Variants in DPP6 observed in about 807,000 individuals in gnomAD.
DPP6 encodes the protein dipeptidyl peptidase like 6, also known as A-type potassium channel modulatory protein DPP6.
Under a neutral mutation model 122.6 loss-of-function variants are expected in DPP6, and 69 were observed. The observed-to-expected ratio is 0.56, with a 90% CI of 0.46 to 0.69. The LOEUF (loss-of-function observed/expected upper bound fraction) is 0.69. Ranked by LOEUF, DPP6 falls within the 30% of genes least tolerant of loss-of-function variation. DPP6 has a pLI of 0.00. For synonymous variants in DPP6, 418 were observed against 433.1 expected (o/e 0.97, Z 0.43); for missense variants, 928 against 1,116.9 (o/e 0.83, Z 2.41).
At chr7:154,663,302 G>A (rs1402949841) in intron 6 of DPP6, among the ~76,000 whole-genome samples, 3 of 50,980 alleles carry the variant, frequency 5.9e-5, no homozygotes, top group Middle Eastern at 0.014. Flanking sequence ...ATGGCGTATT[G>A]GCCATAGTGT....
chr7:154,090,632 C>CTT (rs1311516741), intron 1 of DPP6, among the ~76,000 whole-genome samples: 1 of 151,978 alleles, frequency 6.6e-6, no homozygotes, highest in African/African-American at 2.4e-5. Context: ...AGAGGCTGGA[C>CTT]TTGCTGCTTC....
At position 153,918,305 on chromosome 7, in the gene DPP6, T is replaced by G. The variant is rs531817674; in HGVS notation, c.51+30571T>G. On this transcript the variant is annotated intron_variant, in intron 1 of 25. Coordinates refer to the DPP6 transcript ENST00000404039. ...AGATTTCTTATTCATTCCTTATTAT[T>G]AGCTGCAGAAATCATGTGTTTATAG... 5.9e-5 allele frequency among the ~76,000 whole-genome samples: 9 copies of G among 152,306 alleles called. No homozygotes were observed. The East Asian group carries it at 1.2e-3, about 20-fold the overall frequency.
At chr7:154,832,515 G>A (rs1800709220) in intron 16 of DPP6, among the ~76,000 whole-genome samples, 3 of 152,124 alleles carry the variant, frequency 2.0e-5, no homozygotes, top group African/African-American at 7.2e-5. Context: ...CAGTAGCAAA[G>A]CCACCACCCA....
At position 154,241,427 on chromosome 7, in the gene DPP6, G is replaced by A. The variant is rs142338597; in HGVS notation, c.243+188364G>A. Among the ~76,000 whole-genome samples, 1 of 152,014 alleles carries A rather than the reference G, an allele frequency of 6.6e-6. No homozygotes were observed. Among genetic ancestry groups the A allele is most frequent in the Non-Finnish European group, 1.5e-5 (1 of 68,018 alleles). On this transcript the variant is annotated intron_variant, in intron 1 of 25. Transcript: ENST00000377770. The surrounding 1 kb of genome is among the most constrained non-coding windows in gnomAD (Gnocchi z 9.0). ...ATGGTGACTCACACCTGGCGTGGAG[G>A]TGAGCACCTGTAGTCCTGGCTATTT...
chr7:153,849,167 C>A, the DPP6 span, among the ~76,000 whole-genome samples: 1 of 152,146 alleles, frequency 6.6e-6, no homozygotes, highest in African/African-American at 2.4e-5. Context: ...AATTGGATTG[C>A]CTTGCATTAA....
At chr7:154,541,880 C>T (rs954853710) in intron 4 of DPP6, among the ~76,000 whole-genome samples, 1 of 152,162 alleles carries the variant, frequency 6.6e-6, no homozygotes, top group Admixed American at 6.5e-5. Flanking sequence ...TCAGTGATGG[C>T]TGAGGGAGCA....
At chr7:153,854,999 A>G in the DPP6 span, among the ~76,000 whole-genome samples, 3 of 143,322 alleles carry the variant, frequency 2.1e-5, no homozygotes, top group African/African-American at 7.8e-5. Flanking sequence ...CAAAAAACCA[A>G]ACACCGCATA....
intron 1 of DPP6, among the ~76,000 whole-genome samples, chr7:154,169,289 G>A (rs1797415087): frequency 6.6e-6 from 1 of 152,096 alleles, no homozygotes. Flanking sequence ...GGAGGATACA[G>A]TCCTAAGGGT....
chr7:154,365,474 C>G (rs1046630197), intron 1 of DPP6, among the ~76,000 whole-genome samples: 2 of 152,256 alleles, frequency 1.3e-5, no homozygotes, highest in African/African-American at 4.8e-5. Flanking sequence ...ATGAGCCCCC[C>G]TTCTTCTCTT....
chr7:153,932,287 AT>A (rs1396459456), intron 1 of DPP6, among the ~76,000 whole-genome samples: 3 of 151,788 alleles, frequency 2.0e-5, no homozygotes, highest in African/African-American at 7.3e-5. Context: ...CGCCTGGCTA[AT>A]TTTTGTATTT....
intron 16 of DPP6, among the ~76,000 whole-genome samples, chr7:154,830,444 G>A (rs1800544579): frequency 6.6e-6 from 1 of 152,246 alleles, no homozygotes; most frequent in Non-Finnish European, 1.5e-5. Context: ...GTTCTGAAAG[G>A]TAGATTGAGA....
chr7:154,705,405 C>T lies in DPP6; in HGVS notation c.763-22362C>T, dbSNP rs578111257. Among the ~76,000 whole-genome samples, 19 of 152,260 alleles carry T rather than the reference C, an allele frequency of 1.2e-4. No homozygotes were observed. In the South Asian group the frequency reaches 2.9e-3, roughly 23 times the overall value. ...CTCTCTTCAGCTCTACTTCTTTCTG[C>T]GTGTTCATCTCGCTCTCTTCCAGTG... On this transcript the variant is annotated intron_variant, in intron 7 of 25. Transcript: ENST00000377770.
rs543205367 is a variant in DPP6 at position 153,960,100 on chromosome 7, A to AATCACTTAGATATCTGAT, written c.51+72389_51+72406dup. Among the ~76,000 whole-genome samples the AATCACTTAGATATCTGAT allele has an allele frequency of 7.3e-3, 1,109 of 152,204 alleles. 9 individuals are homozygous for AATCACTTAGATATCTGAT. The highest frequency in any genetic ancestry group is 0.025 in the African/African-American group (1,033 of 41,464). Reference sequence around the variant, plus strand: ...CAAATGAGGTGTGTGATCAAACTCTAATCACTTAGATATCTGATATCACTT... The same window carrying AATCACTTAGATATCTGAT: ...CAAATGAGGTGTGTGATCAAACTCTAATCACTTAGATATCTGATATCACTTAGATATCTGATATCACTT... On this transcript the variant is annotated intron_variant, in intron 1 of 25. Coordinates refer to the DPP6 transcript ENST00000404039.
intron 8 of DPP6, among the ~76,000 whole-genome samples, chr7:154,767,810 C>T (rs1463156607): frequency 6.6e-6 from 1 of 152,144 alleles, no homozygotes; most frequent in East Asian, 1.9e-4. Flanking sequence ...AGGTCAAACC[C>T]GCCACAGGGT....
intron 18 of DPP6, among the ~76,000 whole-genome samples, chr7:154,871,012 G>C (rs1804339645): frequency 6.8e-6 from 1 of 147,332 alleles, no homozygotes; most frequent in African/African-American, 2.5e-5. Context: ...GCCCAATGGA[G>C]AAACCATTGC....
chr7:154,525,093 T>C (rs528429345), intron 3 of DPP6, among the ~76,000 whole-genome samples: 5 of 152,330 alleles, frequency 3.3e-5, no homozygotes, highest in African/African-American at 1.2e-4. Context: ...TTGGTTCCTA[T>C]TGATATTTCT....
intron 1 of DPP6, among the ~76,000 whole-genome samples, chr7:154,000,828 C>G (rs1406363885): frequency 6.6e-5 from 10 of 152,036 alleles, no homozygotes; most frequent in Non-Finnish European, 1.5e-5. Flanking sequence ...AACCTGAGTC[C>G]CTGGCCCAGG....
intron 1 of DPP6, among the ~76,000 whole-genome samples, chr7:154,353,949 A>T (rs1811075523): frequency 6.6e-6 from 1 of 152,160 alleles, no homozygotes; most frequent in Non-Finnish European, 1.5e-5. Context: ...TCCAAGGAGA[A>T]TTCTCCCTGA....
At chr7:154,679,161 A>G (rs1839126722) in intron 7 of DPP6, among the ~76,000 whole-genome samples, 1 of 152,148 alleles carries the variant, frequency 6.6e-6, no homozygotes. Flanking sequence ...GTCCATCACC[A>G]TCCACAGTGT....
Sources: gnomAD v4.1 joint callset for allele counts (sites outside exome capture counted in the v4.1 genomes callset) on GRCh38, gnomAD v4.1.1 for gene constraint, Gnocchi (gnomAD v3.1) non-coding constraint, MANE v1.5 for transcripts, NCBI Gene and HGNC (gene_info 2026-07-23, HGNC 2026-07-21) for gene names.